SLC45A4: variants seen among roughly 807,000 people sequenced by gnomAD.
SLC45A4 encodes the protein polyamine-transporter SLC45A4.
Under a neutral mutation model 63.7 loss-of-function variants are expected in SLC45A4, and 32 were observed. That is an observed-to-expected ratio of 0.50 (90% CI 0.38 to 0.67). The LOEUF is 0.67. SLC45A4 is among the 30% of genes least tolerant of loss of function. The probability of loss-of-function intolerance (pLI) is 0.00; values close to 1 mark genes in which losing one functional copy is unlikely to be tolerated. For synonymous variants in SLC45A4, 535 were observed against 510.0 expected (o/e 1.05, Z -0.66); for missense variants, 1,027 against 1,157.7 (o/e 0.89, Z 1.64).
At chr8:141,250,023 G>T (rs1478683444) in intron 2 of SLC45A4, among the ~76,000 whole-genome samples, 1 of 152,182 alleles carries the variant, frequency 6.6e-6, no homozygotes, top group Non-Finnish European at 1.5e-5. Flanking sequence ...TCTGGTGAGG[G>T]TCAGTTTGCC....
chr8:141,289,463 C>T (rs1197524425), intron 1 of SLC45A4, among the ~76,000 whole-genome samples: 1 of 152,154 alleles, frequency 6.6e-6, no homozygotes, highest in Non-Finnish European at 1.5e-5. Flanking sequence ...AACAAGGATT[C>T]TAATCTTTCA....
At position 141,253,995 on chromosome 8, in the gene SLC45A4, G is replaced by C. The variant is rs1349240591; in HGVS notation, c.235C>G (p.Gln79Glu). 29 of 1,535,996 alleles carry C rather than the reference G, an allele frequency of 1.9e-5. 1 individual carries two copies. In the Admixed American group the frequency reaches 5.7e-4, roughly 30 times the overall value. The change falls in exon 2 of 9, where the codon CAG (glutamine) becomes GAG (glutamate). Residue 79 changes from glutamine (Q) to glutamate (E), a missense_variant. By Grantham distance (29) the Gln-to-Glu change is conservative. Transcript: ENST00000517878. ...AGACGGGGAGGAGACTTACCAATCTGCAACAGTATTGGTGTGACCAGAGCG... is the reference window on the plus strand; with the variant it reads ...AGACGGGGAGGAGACTTACCAATCTCCAACAGTATTGGTGTGACCAGAGCG... ...ETALVTPILLQIGLPEQYYSL... is the reference protein window; with the variant it reads ...ETALVTPILLEIGLPEQYYSL...
chr8:141,234,366 G>A (rs1827514237), intron 2 of SLC45A4, among the ~76,000 whole-genome samples: 1 of 152,256 alleles, frequency 6.6e-6, no homozygotes, highest in Non-Finnish European at 1.5e-5. Flanking sequence ...GCTCTTCCCA[G>A]GACTGAAGGG....
At chr8:141,281,164 C>A (rs1327080671) in intron 1 of SLC45A4, among the ~76,000 whole-genome samples, 2 of 152,140 alleles carry the variant, frequency 1.3e-5, no homozygotes, top group Admixed American at 1.3e-4. Flanking sequence ...CATAGTGAAA[C>A]CCTGTCTCTA....
intron 1 of SLC45A4, among the ~76,000 whole-genome samples, chr8:141,260,214 A>G (rs1183130678): frequency 1.3e-5 from 2 of 152,252 alleles, no homozygotes; most frequent in Non-Finnish European, 2.9e-5. Flanking sequence ...GTTTGTTTAA[A>G]GTAGCAGTAA....
At chr8:141,281,933 T>C (rs999255403) in intron 1 of SLC45A4, among the ~76,000 whole-genome samples, 2 of 151,908 alleles carry the variant, frequency 1.3e-5, no homozygotes, top group Non-Finnish European at 2.9e-5. Context: ...GCACCTTTCC[T>C]AACGCCAGGA....
chr8:141,281,203 G>A (rs1174040417), intron 1 of SLC45A4, among the ~76,000 whole-genome samples: 1 of 152,246 alleles, frequency 6.6e-6, no homozygotes, highest in Non-Finnish European at 1.5e-5. Context: ...GCTGGGTGTG[G>A]TGGCAGGCGC....
rs1382915643 is a variant in SLC45A4 at position 141,211,704 on chromosome 8, A to C, written c.2302-7T>G. The C allele has an allele frequency of 2.0e-6, 3 of 1,528,200 alleles. No homozygotes were observed. Among genetic ancestry groups the C allele is most frequent in the Non-Finnish European group, 1.8e-6 (2 of 1,140,644 alleles). The allele number at this position is 1,528,200 out of a possible 1,614,324, so 94.7% of individuals were successfully genotyped here. On this transcript the variant is annotated splice_polypyrimidine_tract_variant and splice_region_variant and intron_variant, in intron 8 of 8. Coordinates refer to ENST00000517878, the MANE Select transcript of SLC45A4 (RefSeq NM_001286646.2). ...CGTCAATACCTGCAGGCGTCTACAG[A>C]GAGGAAATTTGATAAAAATATTTTA...
chr8:141,278,645 G>A lies in SLC45A4; in HGVS notation c.-400-24016C>T, dbSNP rs982554739. Among the ~76,000 whole-genome samples, 3 of 152,232 alleles carry A rather than the reference G, an allele frequency of 2.0e-5. No individual in the cohort carries two copies. Among genetic ancestry groups the A allele is most frequent in the Admixed American group, 6.5e-5 (1 of 15,284 alleles). ...GCTGAGTGCTGACCACAGCCCCCAC[G>A]GGCAGCACAGGCAAGCAAGTGGAGG... On this transcript the variant is annotated intron_variant, in intron 1 of 8. Transcript: ENST00000517878. The surrounding 1 kb of genome is among the most constrained non-coding windows in gnomAD (Gnocchi z 4.1).
intron 2 of SLC45A4, among the ~76,000 whole-genome samples, chr8:141,245,129 T>C (rs1006110492): frequency 6.6e-6 from 1 of 152,068 alleles, no homozygotes; most frequent in East Asian, 1.9e-4. Flanking sequence ...ATAATGACAG[T>C]AATAACAGCT....
intron 1 of SLC45A4, among the ~76,000 whole-genome samples, chr8:141,284,741 CCTGCCTGTGT>C (rs906665327): frequency 2.7e-4 from 41 of 152,174 alleles, no homozygotes; most frequent in African/African-American, 9.9e-4. Context: ...CAGTACAAAG[CCTGCCTGTGT>C]CTGCCTGGGT....
rs149726596 is a variant in SLC45A4 at position 141,260,714 on chromosome 8, G to A, written c.-400-6085C>T. Reference sequence around the variant, plus strand: ...TCTGAATAGACCAATAACAGGCTCCGAAATTGTGGCAATAATCAATAGCTT... The same window carrying A: ...TCTGAATAGACCAATAACAGGCTCCAAAATTGTGGCAATAATCAATAGCTT... On this transcript the variant is annotated intron_variant, in intron 1 of 8. Coordinates refer to ENST00000517878, the MANE Select transcript of SLC45A4 (RefSeq NM_001286646.2). Among the ~76,000 whole-genome samples, 563 of 152,270 alleles carry A rather than the reference G, an allele frequency of 3.7e-3. 3 individuals are homozygous for A. The highest frequency in any genetic ancestry group is 0.012 in the African/African-American group (495 of 41,546).
chr8:141,220,247 G>A (rs1450842785), intron 3 of SLC45A4, among the ~76,000 whole-genome samples: 7 of 152,178 alleles, frequency 4.6e-5, no homozygotes, highest in East Asian at 1.9e-4. Flanking sequence ...CAGACAACCC[G>A]CAGGGGACAC....
chr8:141,212,176 A>G, intron 8 of SLC45A4, 21 bp downstream of exon 8: 1 of 827,568 alleles, frequency 1.2e-6, no homozygotes, highest in Middle Eastern at 6.6e-4. Context: ...GAATGTGTGT[A>G]AACGGGAGTG....
At chr8:141,214,633 A>C (rs1826027383) in intron 7 of SLC45A4, among the ~76,000 whole-genome samples, 3 of 152,238 alleles carry the variant, frequency 2.0e-5, no homozygotes, top group African/African-American at 7.2e-5. Context: ...TAGCCAAGAC[A>C]ATCTTGAAGA....
At chr8:141,260,511 GTGCAGC>G (rs750011966) in intron 1 of SLC45A4, among the ~76,000 whole-genome samples, 1 of 152,256 alleles carries the variant, frequency 6.6e-6, no homozygotes, top group Non-Finnish European at 1.5e-5. Context: ...ATGCCACCTG[GTGCAGC>G]TGCTGCTTCC....
At chr8:141,305,956 C>T (rs1563688342) in intron 1 of SLC45A4, among the ~76,000 whole-genome samples, 2 of 152,044 alleles carry the variant, frequency 1.3e-5, no homozygotes, top group Non-Finnish European at 2.9e-5. Flanking sequence ...CGGGCTGGGG[C>T]GGGATCTCAG....
At chr8:141,225,030 T>G (rs1294473984) in intron 2 of SLC45A4, 2 of 152,294 alleles carry the variant, frequency 1.3e-5, no homozygotes, top group African/African-American at 4.8e-5. Flanking sequence ...GTAGCTTCCA[T>G]TTCTCTGCTG....
At position 141,212,566 on chromosome 8, in the gene SLC45A4, A is replaced by T; in HGVS notation, c.1942-10T>A. On this transcript the variant is annotated splice_polypyrimidine_tract_variant and intron_variant, in intron 7 of 8. Transcript: ENST00000517878. Reference sequence around the variant, plus strand: ...GGCTGTGGTGGATGTACTGCAAGAGAGGAAACACGAGGCGGTGAGCGGCTG... The same window carrying T: ...GGCTGTGGTGGATGTACTGCAAGAGTGGAAACACGAGGCGGTGAGCGGCTG... 1 of 1,586,266 alleles carries T rather than the reference A, an allele frequency of 6.3e-7. No individual in the cohort carries two copies. The highest frequency in any genetic ancestry group is 8.6e-7 in the Non-Finnish European group (1 of 1,164,566).
Sources: allele counts gnomAD v4.1 joint callset (sites outside exome capture counted in the v4.1 genomes callset), GRCh38; gene constraint gnomAD v4.1.1; non-coding constraint Gnocchi (gnomAD v3.1); transcripts MANE v1.5; gene names NCBI Gene and HGNC (gene_info 2026-07-23, HGNC 2026-07-21).